Variants in DOCK10 observed in about 807,000 individuals in gnomAD.
The protein encoded by DOCK10 is dedicator of cytokinesis protein 10.
A neutral mutation model predicts 280.1 loss-of-function variants in DOCK10; 145 were observed. The observed-to-expected ratio is 0.52, with a 90% CI of 0.45 to 0.59. The LOEUF is 0.59. Ranked by LOEUF, DOCK10 falls within the 20% of genes least tolerant of loss-of-function variation. The probability of loss-of-function intolerance (pLI) is 0.00; values close to 1 mark genes in which losing one functional copy is unlikely to be tolerated. For synonymous variants in DOCK10, 915 were observed against 942.2 expected, an observed-to-expected ratio of 0.97 and a Z score of 0.53; for missense variants, 2,368 against 2,651.7, an observed-to-expected ratio of 0.89 and a Z score of 2.35.
chr2:224,857,097 TATAAA>T (rs1391886897), intron 14 of DOCK10, 115 bp from the exon 15 acceptor site: 27 of 912,720 alleles, frequency 3.0e-5, no homozygotes, highest in Admixed American at 3.7e-5. Flanking sequence ...TCTAAGAACT[TATAAA>T]ATAAAAAGAC....
In DOCK10 at chr2:224,876,217, T is replaced by C. The variant is rs750456700; in HGVS notation, c.752A>G (p.Asn251Ser). 5 of 1,604,908 alleles carry C rather than the reference T, an allele frequency of 3.1e-6. No homozygotes were observed. Among genetic ancestry groups the C allele is most frequent in the South Asian group, 1.1e-5 (1 of 89,682 alleles). ...LDSCTGVVQN[N>S]RLRKYAFELK... ...TTCAAAGGCATATTTTCTTAGTCTG[T>C]TATTCTGTGGTATAAAAAGAAAGAA... is the stretch of plus-strand genomic sequence containing the variant. The change falls in exon 8 of 56, where the codon AAC becomes AGC. Residue 251 changes from asparagine (N) to serine (S), a missense_variant. Asn to Ser is a conservative substitution (Grantham distance 46). This residue lies in a region of DOCK10 where 1,209 missense variants were observed against 1,250.9 expected (regional missense o/e 0.97). Transcript: ENST00000258390.
At chr2:224,894,082 A>G (rs1699852716) in intron 4 of DOCK10, among the ~76,000 whole-genome samples, 1 of 152,210 alleles carries the variant, frequency 6.6e-6, no homozygotes, top group Non-Finnish European at 1.5e-5. Flanking sequence ...TGGCAGTCTG[A>G]TTCTTCCCTT....
intron 31 of DOCK10, among the ~76,000 whole-genome samples, chr2:224,812,658 C>A (rs886514572): frequency 6.6e-6 from 1 of 152,104 alleles, no homozygotes; most frequent in African/African-American, 2.4e-5. Context: ...TGAGATACGT[C>A]CCATCAATAC....
chr2:224,826,094 G>A (rs552609808), intron 27 of DOCK10, among the ~76,000 whole-genome samples: 1 of 152,294 alleles, frequency 6.6e-6, no homozygotes, highest in Admixed American at 6.5e-5. Flanking sequence ...TTGAGACAGA[G>A]TCTCTGTGGC....
At chr2:224,856,363 GC>G (rs1390522888) in intron 15 of DOCK10, among the ~76,000 whole-genome samples, 2 of 152,068 alleles carry the variant, frequency 1.3e-5, no homozygotes, top group African/African-American at 2.4e-5. Flanking sequence ...CAGCATTACA[GC>G]CTTTCATGCT....
At chr2:224,961,412 C>CTCTTTCTTTCTTTCTTTCTT (rs561597716) in intron 1 of DOCK10, among the ~76,000 whole-genome samples, 6,029 of 119,154 alleles carry the variant, frequency 0.051, 329 homozygotes, top group African/African-American at 0.075. Flanking sequence ...TTCTTTCTTT[C>CTCTTTCTTTCTTTCTTTCTT]TCTTTCTTTC....
At position 224,855,023 on chromosome 2, in the gene DOCK10, T is replaced by C; in HGVS notation, c.1828A>G (p.Met610Val). ...TCCAGGCTTCCAGGAATGGTCTGCA[T>C]TTTGCTTATTCTGTCGGCCCTGTAA... ...DYRRADRISK[M>V]QTIPGSLDIA... Residue 610 changes from methionine to valine, a missense_variant, in exon 16 of 56, where the codon ATG becomes GTG. Met to Val is a conservative substitution (Grantham distance 21, BLOSUM62 1). This residue lies in a region of DOCK10 where 1,209 missense variants were observed against 1,250.9 expected (regional missense o/e 0.97). Transcript: ENST00000258390. 6.2e-7 allele frequency: 1 copy of C among 1,607,972 alleles called. No homozygotes were observed. Among genetic ancestry groups the C allele is most frequent in the Non-Finnish European group, 8.5e-7 (1 of 1,177,236 alleles).
At chr2:224,975,739 C>T (rs1705398017) in intron 1 of DOCK10, among the ~76,000 whole-genome samples, 1 of 152,130 alleles carries the variant, frequency 6.6e-6, no homozygotes, top group African/African-American at 2.4e-5. Flanking sequence ...TTACTGTTTT[C>T]ATAAATAATT....
In DOCK10 at chr2:224,911,702, G is replaced by T. The variant is rs543079630; in HGVS notation, c.333+4993C>A. ...GGGTTCTAGAGACTCAGAGCCACAA[G>T]CTAGGAACATTTGTTCATGTGAGAG... On this transcript the variant is annotated intron_variant, in intron 3 of 55. Coordinates refer to ENST00000258390, the MANE Select transcript of DOCK10 (RefSeq NM_014689.3). 9.9e-5 allele frequency among the ~76,000 whole-genome samples: 15 copies of T among 152,258 alleles called. 1 individual carries two copies. The East Asian group carries it at 1.2e-3, about 12-fold the overall frequency.
Position 224,916,791 on chromosome 2 carries a change from C to T in DOCK10, c.244-7G>A, listed in dbSNP as rs1351524521. 6 of 1,603,818 alleles carry T rather than the reference C, an allele frequency of 3.7e-6. No homozygotes were observed. Among genetic ancestry groups the T allele is most frequent in the East Asian group, 2.2e-5 (1 of 44,644 alleles). On this transcript the variant is annotated splice_region_variant and splice_polypyrimidine_tract_variant and intron_variant, in intron 2 of 55. Coordinates refer to ENST00000258390, the MANE Select transcript of DOCK10 (RefSeq NM_014689.3). Reference sequence around the variant, plus strand: ...CCCAGGAAACTGTGGCTGCCTGAAACGAACAATGAAAAGAAATTGAGTCCT... The same window carrying T: ...CCCAGGAAACTGTGGCTGCCTGAAATGAACAATGAAAAGAAATTGAGTCCT...
intron 25 of DOCK10, among the ~76,000 whole-genome samples, chr2:224,834,828 A>T (rs2125419443): frequency 6.6e-6 from 1 of 152,306 alleles, no homozygotes; most frequent in South Asian, 2.1e-4. Flanking sequence ...GGCATGCACC[A>T]CTGAGGGCAC....
In DOCK10 at chr2:224,794,894, G is replaced by A. The variant is rs764291102; in HGVS notation, c.5139C>T (p.Asn1713=). 20 of 1,613,600 alleles carry A rather than the reference G, an allele frequency of 1.2e-5. No individual in the cohort carries two copies. Among genetic ancestry groups the A allele is most frequent in the East Asian group, 4.5e-5 (2 of 44,892 alleles). ...LESMAKIHAR[N]GDLSEAAMCY... ...GGCTAATCACCTCAGATAAATCTCC[G>A]TTTCTGGCATGAATCTTGGCCATAC... The change falls in exon 45 of 56, where the codon AAC becomes AAT. Residue 1713 remains asparagine (N), a synonymous_variant. Transcript: ENST00000258390.
At chr2:224,976,614 GA>G (rs1705453667) in intron 1 of DOCK10, among the ~76,000 whole-genome samples, 1 of 148,286 alleles carries the variant, frequency 6.7e-6, no homozygotes, top group Non-Finnish European at 1.5e-5. Context: ...GGTACCCAGG[GA>G]AAAAACCAAG....
intron 1 of DOCK10, among the ~76,000 whole-genome samples, chr2:225,034,501 C>T (rs1480134392): frequency 6.6e-6 from 1 of 152,172 alleles, no homozygotes; most frequent in Non-Finnish European, 1.5e-5. Flanking sequence ...AAGAGGATGA[C>T]ACAAGGGCTG....
intron 31 of DOCK10, among the ~76,000 whole-genome samples, chr2:224,810,400 A>C (rs1052356710): frequency 2.0e-4 from 30 of 152,194 alleles, no homozygotes; most frequent in Non-Finnish European, 2.9e-4. Context: ...AAGATGAATA[A>C]ATTGTGGAGG....
At chr2:224,892,067 A>G (rs1481527323) in intron 4 of DOCK10, among the ~76,000 whole-genome samples, 1 of 152,166 alleles carries the variant, frequency 6.6e-6, no homozygotes, top group Non-Finnish European at 1.5e-5. Context: ...TGAATTAAGC[A>G]GAAATAAGAT....
chr2:225,004,376 G>A (rs1706516678), intron 1 of DOCK10, among the ~76,000 whole-genome samples: 1 of 152,232 alleles, frequency 6.6e-6, no homozygotes, highest in South Asian at 2.1e-4. Flanking sequence ...CCAGAAACTG[G>A]AGGAGGCAAG....
intron 1 of DOCK10, among the ~76,000 whole-genome samples, chr2:224,944,830 G>C (rs769657881): frequency 6.6e-6 from 1 of 152,196 alleles, no homozygotes; most frequent in East Asian, 1.9e-4. Context: ...GGCAACTGTA[G>C]CACGGACATC....
At chr2:224,856,765 G>C in intron 15 of DOCK10, 95 bp downstream of exon 15, 1 of 1,175,766 alleles carries the variant, frequency 8.5e-7, no homozygotes, top group Non-Finnish European at 1.2e-6. Flanking sequence ...CTGGAGGTTT[G>C]GGTGTTCGAG....
Sources: allele counts gnomAD v4.1 joint callset (sites outside exome capture counted in the v4.1 genomes callset), GRCh38; gene constraint gnomAD v4.1.1; regional missense constraint gnomAD v4.1.1; transcripts MANE v1.5; gene names NCBI Gene and HGNC (gene_info 2026-07-23, HGNC 2026-07-21).